The following SLC6A5 variants were observed in gnomAD, a reference collection of about 807,000 sequenced individuals.
SLC6A5 encodes the protein solute carrier family 6 member 5, also known as sodium- and chloride-dependent glycine transporter 2.
SLC6A5 carries 58 observed loss-of-function variants against 90.5 expected under a neutral mutation model. That is an observed-to-expected ratio of 0.64 (90% CI 0.52 to 0.80). The LOEUF is 0.80. SLC6A5 is among the 30% of genes least tolerant of loss of function. The pLI is 0.00. For synonymous variants in SLC6A5, 427 were observed against 401.4 expected, an observed-to-expected ratio of 1.06 and a Z score of -0.76; for missense variants, 1,015 against 1,017.6, an observed-to-expected ratio of 1.00 and a Z score of 0.03.
intron 7 of SLC6A5, among the ~76,000 whole-genome samples, chr11:20,618,723 A>T (rs1852831155): frequency 6.6e-6 from 1 of 152,048 alleles, no homozygotes; most frequent in African/African-American, 2.4e-5. Context: ...GATCATTTGA[A>T]GCCTGGAGTT....
At chr11:20,646,070 G>T (rs1225417942) in intron 13 of SLC6A5, among the ~76,000 whole-genome samples, 1 of 152,204 alleles carries the variant, frequency 6.6e-6, no homozygotes, top group East Asian at 1.9e-4. Context: ...TTCTGATGAG[G>T]TGGGGAAAGA....
In SLC6A5 at chr11:20,635,409, G is replaced by A. The variant is rs990520600; in HGVS notation, c.1625-898G>A. Among the ~76,000 whole-genome samples the A allele has an allele frequency of 5.4e-5, 8 of 148,636 alleles. No individual in the cohort carries two copies. In the East Asian group the frequency reaches 5.9e-4, roughly 11 times the overall value. On this transcript the variant is annotated intron_variant, in intron 10 of 15. Transcript: ENST00000525748. ...ATGATGTTTCATGCGCCGCCCCCCCGCAACCCGACTAACTACTAGGACTGA... is the reference window on the plus strand; with the variant it reads ...ATGATGTTTCATGCGCCGCCCCCCCACAACCCGACTAACTACTAGGACTGA...
Position 20,607,643 on chromosome 11 carries a change from C to A in SLC6A5, c.976C>A (p.Leu326Ile). ...GCCAGAATGCAAAGATAAAACCAAA[C>A]TTTTATTAGGTAAGTTTGGAAATAC... ...NTPECKDKTK[L>I]LLDSCVISDH... is the part of the protein sequence containing the mutation. Residue 326 changes from leucine to isoleucine, a missense_variant, in exon 5 of 16, where the codon CTT becomes ATT. Leu to Ile is a conservative substitution (Grantham distance 5). Coordinates refer to ENST00000525748, the MANE Select transcript of SLC6A5 (RefSeq NM_004211.5). 2 of 1,613,666 alleles carry A rather than the reference C, an allele frequency of 1.2e-6. No individual in the cohort carries two copies. The highest frequency in any genetic ancestry group is 1.7e-6 in the Non-Finnish European group (2 of 1,179,696).
intron 6 of SLC6A5, among the ~76,000 whole-genome samples, chr11:20,615,144 C>T (rs1442007484): frequency 6.6e-6 from 1 of 152,156 alleles, no homozygotes; most frequent in Non-Finnish European, 1.5e-5. Context: ...CTGCACTTGG[C>T]TTCAGGGAAG....
intron 2 of SLC6A5, among the ~76,000 whole-genome samples, chr11:20,603,699 C>A (rs566778792): frequency 8.5e-5 from 13 of 152,302 alleles, no homozygotes; most frequent in African/African-American, 3.1e-4. Context: ...GTTGACCAGG[C>A]AGGTTCTGGT....
At chr11:20,602,598 C>T (rs1160939036) in intron 2 of SLC6A5, among the ~76,000 whole-genome samples, 1 of 152,150 alleles carries the variant, frequency 6.6e-6, no homozygotes, top group African/African-American at 2.4e-5. Context: ...AGGGGCTATG[C>T]ATATATCCAG....
At chr11:20,609,757 C>T (rs1852659950) in intron 5 of SLC6A5, among the ~76,000 whole-genome samples, 1 of 152,334 alleles carries the variant, frequency 6.6e-6, no homozygotes, top group South Asian at 2.1e-4. Flanking sequence ...CCCCATGACA[C>T]TCTCAGTGCT....
Position 20,652,449 on chromosome 11 carries a change from T to G in SLC6A5, c.2231T>G (p.Phe744Cys). The G allele has an allele frequency of 6.2e-7, 1 of 1,613,798 alleles. No homozygotes were observed. The highest frequency in any genetic ancestry group is 1.1e-5 in the South Asian group (1 of 91,070). ...AAAATGCATCTGGCCCCTGGAAGATTTATTGAGGTAATTCTGTCTACTTCT... is the reference window on the plus strand; with the variant it reads ...AAAATGCATCTGGCCCCTGGAAGATGTATTGAGGTAATTCTGTCTACTTCT... ...VIKMHLAPGR[F>C]IERLKLVCSP... is the part of the protein sequence containing the mutation. Residue 744 changes from phenylalanine (F) to cysteine (C), a missense_variant, in exon 15 of 16, where the codon TTT (phenylalanine) becomes TGT (cysteine). Around this residue, in one of 3 missense-constraint regions of SLC6A5, gnomAD observed 442 missense variants for 494.3 expected, o/e 0.89. Transcript: ENST00000525748.
chr11:20,632,921 A>G (rs72932938), intron 10 of SLC6A5, among the ~76,000 whole-genome samples: 8,292 of 152,252 alleles, frequency 0.054, 274 homozygotes, highest in Middle Eastern at 0.1. Context: ...TCCCTTCTAA[A>G]AGAGGCATTT....
intron 3 of SLC6A5, 39 bp downstream of exon 3, chr11:20,604,463 GGC>G: frequency 6.2e-7 from 1 of 1,607,868 alleles, no homozygotes. Context: ...GGCGGGGCGG[GGC>G]GGGCACCTGA....
At chr11:20,617,057 G>T (rs982616610) in intron 6 of SLC6A5, among the ~76,000 whole-genome samples, 2 of 152,154 alleles carry the variant, frequency 1.3e-5, no homozygotes, top group Admixed American at 6.5e-5. Context: ...CAGGGGTGGG[G>T]CTGCCCTGCT....
intron 3 of SLC6A5, among the ~76,000 whole-genome samples, chr11:20,605,821 G>A (rs1241338355): frequency 6.6e-6 from 1 of 152,232 alleles, no homozygotes; most frequent in Non-Finnish European, 1.5e-5. Flanking sequence ...AGGGCTCGCC[G>A]CTCCTTTTCA....
intron 8 of SLC6A5, among the ~76,000 whole-genome samples, chr11:20,627,660 A>G (rs1853024429): frequency 6.6e-6 from 1 of 152,092 alleles, no homozygotes; most frequent in South Asian, 2.1e-4. Flanking sequence ...GTAAATTATT[A>G]TTTTCTGAGA....
intron 10 of SLC6A5, among the ~76,000 whole-genome samples, chr11:20,634,061 G>A (rs1018496111): frequency 1.3e-5 from 2 of 152,070 alleles, no homozygotes; most frequent in East Asian, 1.9e-4. Flanking sequence ...TAGTAGAGAC[G>A]GGGTTTCACC....
chr11:20,649,997 C>G (rs1301028748), intron 14 of SLC6A5, among the ~76,000 whole-genome samples: 1 of 152,202 alleles, frequency 6.6e-6, no homozygotes, highest in African/African-American at 2.4e-5. Context: ...GAAATAATCA[C>G]TTGCCCCAGC....
In SLC6A5 at chr11:20,626,731, C is replaced by T. The variant is rs778479447; in HGVS notation, c.1284C>T (p.Phe428=). Residue 428 remains phenylalanine (F), a synonymous_variant, in exon 8 of 16, where the codon TTC becomes TTT. Transcript: ENST00000525748. ...AGGTGGTGTACTTCACGGCCACGTT[C>T]CCGTATGTCGTACTCGTGATCCTCC... The part of the protein sequence containing the change: ...SGKVVYFTAT[F]PYVVLVILLI... 1 of 1,614,112 alleles carries T rather than the reference C, an allele frequency of 6.2e-7. No homozygotes were observed. Among genetic ancestry groups the T allele is most frequent in the Admixed American group, 1.7e-5 (1 of 60,016 alleles).
intron 7 of SLC6A5, among the ~76,000 whole-genome samples, chr11:20,622,846 A>T (rs1358208187): frequency 6.6e-6 from 1 of 152,094 alleles, no homozygotes; most frequent in Non-Finnish European, 1.5e-5. Flanking sequence ...GATACTCCTT[A>T]GTTGTCTCCC....
In SLC6A5 at chr11:20,655,326, GTTT is replaced by G. The variant is rs61671694; in HGVS notation, c.*469_*471del. On this transcript the variant is annotated 3_prime_UTR_variant, in exon 16 of 16. Coordinates refer to ENST00000525748, the MANE Select transcript of SLC6A5 (RefSeq NM_004211.5). ...TTCAGACACACAAAGTTCAAGACAG[GTTT>G]TTTTTTTTTTCAGAGAGTTAGCAGT... 1.6e-5 allele frequency: 3 copies of G among 183,668 alleles called. No homozygotes were observed. Among genetic ancestry groups the G allele is most frequent in the African/African-American group, 2.4e-5 (1 of 41,124 alleles). 11.4% of individuals were successfully genotyped at this position (183,668 alleles called of 1,614,324 possible).
chr11:20,621,545 A>G (rs1271937210), intron 7 of SLC6A5, among the ~76,000 whole-genome samples: 2 of 152,222 alleles, frequency 1.3e-5, no homozygotes, highest in African/African-American at 2.4e-5. Flanking sequence ...CCAGAGATCA[A>G]TGATCAATTT....
Sources: allele counts gnomAD v4.1 joint callset (sites outside exome capture counted in the v4.1 genomes callset), GRCh38; gene constraint gnomAD v4.1.1; regional missense constraint gnomAD v4.1.1; transcripts MANE v1.5; gene names NCBI Gene and HGNC (gene_info 2026-07-23, HGNC 2026-07-21).